UBE2J1: variants seen among roughly 807,000 people sequenced by gnomAD.
UBE2J1 encodes ubiquitin-conjugating enzyme E2 J1.
A neutral mutation model predicts 42.1 loss-of-function variants in UBE2J1; 17 were observed. That is an observed-to-expected ratio of 0.40 (90% CI 0.28 to 0.61). UBE2J1 has a LOEUF of 0.61. Ranked by LOEUF, UBE2J1 falls within the 20% of genes least tolerant of loss-of-function variation. The pLI is 0.38. For missense variants in UBE2J1, 291 were observed against 389.4 expected (o/e 0.75, Z 2.13); for synonymous variants, 127 against 137.2 (o/e 0.93, Z 0.52).
chr6:89,333,241 C>G (rs1308677533), intron 6 of UBE2J1, 36 bp from the exon 7 acceptor site: 2 of 1,569,304 alleles, frequency 1.3e-6, no homozygotes, highest in Non-Finnish European at 1.7e-6. Context: ...AGTGTGACAA[C>G]AGGAAACAAC....
At chr6:89,332,967 A>G in intron 7 of UBE2J1, 119 bp downstream of exon 7, 1 of 772,700 alleles carries the variant, frequency 1.3e-6, no homozygotes, top group Non-Finnish European at 1.9e-6. Flanking sequence ...CTGATGAGTT[A>G]GAATCCAGTT....
At position 89,335,313 on chromosome 6, in the gene UBE2J1, T is replaced by TTTGC; in HGVS notation, c.543_546dup (p.Ile183AlafsTer5). 1 of 1,597,158 alleles carries TTTGC rather than the reference T, an allele frequency of 6.3e-7. No homozygotes were observed. Among genetic ancestry groups the TTTGC allele is most frequent in the Non-Finnish European group, 8.5e-7 (1 of 1,170,814 alleles). Reference sequence around the variant, plus strand: ...AGAATTTATAGTACCTTAAAGCTTATTTGCCTAGCCAGTTCTTTGGCTTCT... The same window carrying TTTGC: ...AGAATTTATAGTACCTTAAAGCTTATTTGCTTGCCTAGCCAGTTCTTTGGCTTCT... On this transcript the variant is annotated frameshift_variant, in exon 6 of 8. Coordinates refer to ENST00000435041, the MANE Select transcript of UBE2J1 (RefSeq NM_016021.3). LOFTEE classifies it high-confidence loss of function.
intron 1 of UBE2J1, among the ~76,000 whole-genome samples, chr6:89,350,070 C>A (rs959548108): frequency 8.5e-5 from 13 of 152,124 alleles, no homozygotes; most frequent in African/African-American, 2.9e-4. Flanking sequence ...CTGACAACTA[C>A]CACAGACAAC....
intron 2 of UBE2J1, among the ~76,000 whole-genome samples, chr6:89,343,158 C>T (rs1330494193): frequency 1.3e-5 from 2 of 152,112 alleles, no homozygotes; most frequent in South Asian, 2.1e-4. Context: ...TAACCTCGGC[C>T]GGGTGCAGTG....
At chr6:89,340,692 C>G (rs1347731383) in intron 3 of UBE2J1, among the ~76,000 whole-genome samples, 1 of 152,094 alleles carries the variant, frequency 6.6e-6, no homozygotes, top group Non-Finnish European at 1.5e-5. Context: ...GGCTCTTAAA[C>G]AAATGTTCTC....
rs1164855346 is a variant in UBE2J1, at chr6:89,335,388, C to T, written c.472G>A (p.Asp158Asn). The T allele has an allele frequency of 6.2e-7, 1 of 1,603,298 alleles. No individual in the cohort carries two copies. Among genetic ancestry groups the T allele is most frequent in the Non-Finnish European group, 8.5e-7 (1 of 1,173,456 alleles). The change falls in exon 6 of 8, where the codon GAT becomes AAT. Residue 158 changes from aspartate to asparagine, a missense_variant. By Grantham distance (23) the Asp-to-Asn change is conservative (BLOSUM62 1). Around this residue, in one of 2 missense-constraint regions of UBE2J1, gnomAD observed 176 missense variants for 196.3 expected, o/e 0.90. Transcript: ENST00000435041. ...CCAGATTTTAAAGGCAACAGGACAT[C>T]CTTCATGGCAGAGCCACATCCTTCA... ...CCEGCGSAMK[D>N]VLLPLKSGSD...
At chr6:89,330,067 A>C in intron 7 of UBE2J1, 110 bp from the exon 8 acceptor site, 1 of 1,044,558 alleles carries the variant, frequency 9.6e-7, no homozygotes, top group East Asian at 2.5e-5. Flanking sequence ...GACTAAGGGC[A>C]ACACTACCAA....
intron 7 of UBE2J1, among the ~76,000 whole-genome samples, chr6:89,332,708 T>C (rs150463526): frequency 1.2e-3 from 182 of 152,360 alleles, no homozygotes; most frequent in African/African-American, 4.3e-3. Context: ...GCTCTACGAC[T>C]TTATTAAGTC....
chr6:89,339,167 G>C (rs1026274957), intron 3 of UBE2J1, among the ~76,000 whole-genome samples: 1 of 151,560 alleles, frequency 6.6e-6, no homozygotes, highest in Non-Finnish European at 1.5e-5. Context: ...GCTCACGCCT[G>C]TAATCCTAGC....
At chr6:89,333,457 A>T (rs908825760) in intron 6 of UBE2J1, among the ~76,000 whole-genome samples, 2 of 152,222 alleles carry the variant, frequency 1.3e-5, no homozygotes, top group African/African-American at 2.4e-5. Flanking sequence ...CATGGTTCAC[A>T]ATCCACAATG....
intron 5 of UBE2J1, among the ~76,000 whole-genome samples, chr6:89,335,965 T>C (rs975250541): frequency 6.6e-6 from 1 of 152,200 alleles, no homozygotes; most frequent in Non-Finnish European, 1.5e-5. Context: ...ATACATTAGG[T>C]AGAGACTCAG....
At chr6:89,342,201 C>T in intron 3 of UBE2J1, 123 bp downstream of exon 3, 11 of 1,062,556 alleles carry the variant, frequency 1.0e-5, no homozygotes, top group Admixed American at 5.4e-5. Context: ...GTCCCAGGGC[C>T]TGGACCCCAA....
chr6:89,340,069 G>A (rs529695738), intron 3 of UBE2J1, among the ~76,000 whole-genome samples: 6 of 151,698 alleles, frequency 4.0e-5, no homozygotes, highest in Non-Finnish European at 5.9e-5. Context: ...AGGCCAGGAC[G>A]AAACCTAAGG....
chr6:89,340,732 C>A (rs948400019), intron 3 of UBE2J1, among the ~76,000 whole-genome samples: 1 of 150,102 alleles, frequency 6.7e-6, no homozygotes, highest in Non-Finnish European at 1.5e-5. Flanking sequence ...GTAAAAGCAG[C>A]ATTAATTTGG....
intron 3 of UBE2J1, among the ~76,000 whole-genome samples, chr6:89,341,235 T>C (rs980791736): frequency 6.6e-6 from 1 of 152,208 alleles, no homozygotes; most frequent in Non-Finnish European, 1.5e-5. Flanking sequence ...CAGGGCACTA[T>C]GTGTGGAAGG....
chr6:89,333,524 T>C (rs901409247), intron 6 of UBE2J1, among the ~76,000 whole-genome samples: 1 of 152,344 alleles, frequency 6.6e-6, no homozygotes, highest in Middle Eastern at 3.4e-3. Context: ...AAGCCTGATA[T>C]GAGCTGATGT....
chr6:89,329,327 T>G lies in UBE2J1; in HGVS notation c.*352A>C. ...AGTGGTATTGAGTAACTAGTAATAC[T>G]CATTGGAACTTAAAACATCATCTTT... On this transcript the variant is annotated 3_prime_UTR_variant, in exon 8 of 8. Transcript: ENST00000435041. 6 of 291,140 alleles carry G rather than the reference T, an allele frequency of 2.1e-5. No homozygotes were observed. Among genetic ancestry groups the G allele is most frequent in the South Asian group, 2.0e-4 (6 of 29,936 alleles). 18.0% of individuals were successfully genotyped at this position (291,140 alleles called of 1,614,324 possible). A position where few individuals can be genotyped will look rare whatever the true frequency, so the allele number is the denominator to read the frequency against.
Position 89,345,522 on chromosome 6 carries a change from C to T in UBE2J1, c.32-1766G>A, listed in dbSNP as rs572599343. Among the ~76,000 whole-genome samples, 96 of 149,702 alleles carry T rather than the reference C, an allele frequency of 6.4e-4. 1 individual carries two copies. Among genetic ancestry groups the T allele is most frequent in the African/African-American group, 2.3e-3 (94 of 40,546 alleles). ...GAGGCTGAGGCAGGAGAATCGCTTG[C>T]ACCCAGGAGGTGGAGGTTGCAGTGA... On this transcript the variant is annotated intron_variant, in intron 1 of 7. Transcript: ENST00000435041.
rs776800982 is a variant in UBE2J1 at position 89,333,087 on chromosome 6, G to C, written c.677C>G (p.Ser226Trp). 1.2e-6 allele frequency: 2 copies of C among 1,606,710 alleles called. No individual in the cohort carries two copies. Among genetic ancestry groups the C allele is most frequent in the Middle Eastern group, 3.3e-4 (2 of 6,034 alleles). Residue 226 changes from serine (S) to tryptophan (W), a missense_variant and splice_region_variant, in exon 7 of 8, where the codon TCG becomes TGG. This residue lies in a region of UBE2J1 where 176 missense variants were observed against 196.3 expected (regional missense o/e 0.90). Coordinates refer to ENST00000435041, the MANE Select transcript of UBE2J1 (RefSeq NM_016021.3). ...TATATTAAAAGATAAGAGCCATACCGATGTACTGGCCGTAGCACCCTGGAA... is the reference window on the plus strand; with the variant it reads ...TATATTAAAAGATAAGAGCCATACCCATGTACTGGCCGTAGCACCCTGGAA... The part of the protein sequence containing the change: ...TTFQGATAST[S>W]YGLQNSSAAS...
Sources: gnomAD v4.1 joint callset for allele counts (sites outside exome capture counted in the v4.1 genomes callset) on GRCh38, gnomAD v4.1.1 for gene constraint, gnomAD v4.1.1 regional missense constraint, MANE v1.5 for transcripts, NCBI Gene and HGNC (gene_info 2026-07-23, HGNC 2026-07-21) for gene names.